The following DRGX variants were observed in gnomAD, a reference collection of about 807,000 sequenced individuals.
The protein encoded by DRGX is dorsal root ganglia homeobox protein.
A neutral mutation model predicts 28.6 loss-of-function variants in DRGX; 21 were observed. That is an observed-to-expected ratio of 0.73 (90% CI 0.52 to 1.06). The LOEUF (loss-of-function observed/expected upper bound fraction) is 1.06, where lower values mean the gene tolerates loss of function less well. Among genes scored for constraint, DRGX ranks in the 50% least tolerant of loss-of-function variants. The pLI is 0.00. For missense variants in DRGX, 354 were observed against 343.9 expected (o/e 1.03, Z -0.23); for synonymous variants, 136 against 139.1 (o/e 0.98, Z 0.16).
intron 1 of DRGX, 57 bp from the exon 2 acceptor site, chr10:49,395,578 G>C (rs948721384): frequency 1.9e-6 from 2 of 1,025,764 alleles, no homozygotes; most frequent in Admixed American, 2.1e-5. Context: ...CTCCCGCCCA[G>C]CCCTAGGGCG....
In DRGX at chr10:49,366,299, C is replaced by G. The variant is rs748609775; in HGVS notation, c.609G>C (p.Thr203=). ...TCATGCGCAGGGTGGCCACGCTGGC[C>G]GTGCGGTTACTCTGGCAGCCATAGG... is the stretch of plus-strand genomic sequence containing the variant. ...LPTYGCQSNR[T]ASVATLRMKA... The change falls in exon 7 of 7, where the codon ACG becomes ACC. Residue 203 remains threonine (T), a synonymous_variant. Transcript: ENST00000374139. 2 of 1,613,860 alleles carry G rather than the reference C, an allele frequency of 1.2e-6. No individual in the cohort carries two copies. Among genetic ancestry groups the G allele is most frequent in the Admixed American group, 1.7e-5 (1 of 60,020 alleles).
intron 2 of DRGX, among the ~76,000 whole-genome samples, chr10:49,395,089 TG>T (rs1409448262): frequency 6.6e-6 from 1 of 152,214 alleles, no homozygotes; most frequent in African/African-American, 2.4e-5. Context: ...TGCGGCCCCC[TG>T]GGTTGCGGAG....
intron 6 of DRGX, among the ~76,000 whole-genome samples, chr10:49,369,035 G>C (rs1849627835): frequency 6.6e-6 from 1 of 152,162 alleles, no homozygotes; most frequent in Admixed American, 6.5e-5. Flanking sequence ...TCAAGAGCTT[G>C]CTCCAATGTA....
In DRGX at chr10:49,386,713, C is replaced by G; in HGVS notation, c.380G>C (p.Arg127Pro). 1 of 1,592,434 alleles carries G rather than the reference C, an allele frequency of 6.3e-7. No homozygotes were observed. Among genetic ancestry groups the G allele is most frequent in the Non-Finnish European group, 8.5e-7 (1 of 1,170,456 alleles). The change falls in exon 5 of 7, where the codon CGG becomes CCG. Residue 127 changes from arginine to proline, a missense_variant. By Grantham distance (103) the Arg-to-Pro change is moderately radical. Coordinates refer to ENST00000374139, the MANE Select transcript of DRGX (RefSeq NM_001276451.2). ...GGCCTCCAGCGCCTCCTTCTTACTCCGGGCTTGGTCCCCAGGGGGCGGGGA... is the reference window on the plus strand; with the variant it reads ...GGCCTCCAGCGCCTCCTTCTTACTCGGGGCTTGGTCCCCAGGGGGCGGGGA... ...INSPPPGDQA[R>P]SKKEALEAQQ... is the part of the protein sequence containing the mutation.
At chr10:49,387,346 C>T (rs1030888424) in intron 4 of DRGX, among the ~76,000 whole-genome samples, 1 of 152,096 alleles carries the variant, frequency 6.6e-6, no homozygotes, top group African/African-American at 2.4e-5. Context: ...TGATCAGCAG[C>T]CCAGTGCACC....
At chr10:49,372,421 C>A (rs761818599) in intron 6 of DRGX, among the ~76,000 whole-genome samples, 3 of 152,176 alleles carry the variant, frequency 2.0e-5, no homozygotes, top group Non-Finnish European at 4.4e-5. Flanking sequence ...TGGCCCCTGA[C>A]CCCACTGTTA....
intron 6 of DRGX, among the ~76,000 whole-genome samples, chr10:49,379,748 C>T (rs1051868044): frequency 2.6e-5 from 4 of 152,236 alleles, no homozygotes; most frequent in Non-Finnish European, 4.4e-5. Flanking sequence ...ACACTCGGTG[C>T]AGGACCAGGA....
chr10:49,395,401 A>T lies in DRGX; in HGVS notation c.34+6T>A, dbSNP rs906671690. The stretch of plus-strand genomic sequence containing the variant: ...ATGGAGACCCTGGGGCGCAGCGCTT[A>T]CTTACCCTCTAGCTGTGGCGGGCAG... On this transcript the variant is annotated splice_donor_region_variant and intron_variant, in intron 2 of 6. Transcript: ENST00000374139. 7.1e-6 allele frequency: 11 copies of T among 1,550,066 alleles called. No individual in the cohort carries two copies. The highest frequency in any genetic ancestry group is 9.6e-6 in the Non-Finnish European group (11 of 1,146,860).
intron 6 of DRGX, among the ~76,000 whole-genome samples, chr10:49,383,595 G>A (rs1412662585): frequency 3.3e-5 from 5 of 152,218 alleles, no homozygotes; most frequent in African/African-American, 1.2e-4. Flanking sequence ...CGGACAGAAT[G>A]CTTGTGTGTC....
chr10:49,376,787 C>T (rs902195929), intron 6 of DRGX, among the ~76,000 whole-genome samples: 8 of 152,170 alleles, frequency 5.3e-5, no homozygotes, highest in African/African-American at 1.9e-4. Flanking sequence ...GGGGGACCCT[C>T]ACTCACTGCA....
In DRGX at chr10:49,386,485, G is replaced by A. The variant is rs1238707727; in HGVS notation, c.519C>T (p.Ser173=). The A allele has an allele frequency of 2.5e-6, 4 of 1,569,130 alleles. No individual in the cohort carries two copies. The highest frequency in any genetic ancestry group is 1.9e-5 in the Admixed American group (1 of 52,758). Reference sequence around the variant, plus strand: ...AGCCGAACCCAAACTCACCTTTGAGGGAAGCCACATGGGACAAGGCCTGGG... The same window carrying A: ...AGCCGAACCCAAACTCACCTTTGAGAGAAGCCACATGGGACAAGGCCTGGG... The part of the protein sequence containing the change: ...TYAQALSHVA[S]LKGGPLCSCC... Residue 173 remains serine, a synonymous_variant, in exon 6 of 7, where the codon TCC becomes TCT. Transcript: ENST00000374139.
Position 49,391,217 on chromosome 10 carries a change from C to T in DRGX, c.79G>A (p.Gly27Arg), listed in dbSNP as rs778768462. Residue 27 changes from glycine to arginine, a missense_variant, in exon 3 of 7, where the codon GGG (glycine) becomes AGG (arginine). Physicochemically the swap from Gly to Arg is moderately radical, Grantham distance 125 (BLOSUM62 -2). Coordinates refer to ENST00000374139, the MANE Select transcript of DRGX (RefSeq NM_001276451.2). ...GNHSSGDFDDGFLRRKQRRNR... is the reference protein window; with the variant it reads ...GNHSSGDFDDRFLRRKQRRNR... ...CGGCGCTGTTTTCTACGCAGAAACCCGTCATCAAAATCCCCCGAAGAGTGA... is the reference window on the plus strand; with the variant it reads ...CGGCGCTGTTTTCTACGCAGAAACCTGTCATCAAAATCCCCCGAAGAGTGA... 1.2e-5 allele frequency: 19 copies of T among 1,612,442 alleles called. No homozygotes were observed. Among genetic ancestry groups the T allele is most frequent in the East Asian group, 2.2e-5 (1 of 44,876 alleles).
chr10:49,373,587 G>T (rs752631765), intron 6 of DRGX, among the ~76,000 whole-genome samples: 6 of 152,136 alleles, frequency 3.9e-5, no homozygotes, highest in Non-Finnish European at 8.8e-5. Context: ...CCAGAGGGTT[G>T]CCCTGTCTCT....
At chr10:49,380,227 G>T (rs1040438002) in intron 6 of DRGX, among the ~76,000 whole-genome samples, 2 of 152,200 alleles carry the variant, frequency 1.3e-5, no homozygotes, top group African/African-American at 4.8e-5. Context: ...CCTGGCAGCT[G>T]TAATTATGTC....
intron 6 of DRGX, among the ~76,000 whole-genome samples, chr10:49,370,410 A>C (rs1439719076): frequency 6.6e-6 from 1 of 152,126 alleles, no homozygotes; most frequent in East Asian, 1.9e-4. Context: ...TTCTCAAAAA[A>C]ATAAAAAGAG....
At chr10:49,378,593 A>G (rs1461627751) in intron 6 of DRGX, among the ~76,000 whole-genome samples, 1 of 152,246 alleles carries the variant, frequency 6.6e-6, no homozygotes, top group Non-Finnish European at 1.5e-5. Flanking sequence ...CTTTAAAAAC[A>G]TTAGAATAAG....
chr10:49,372,139 A>G (rs913680120), intron 6 of DRGX, among the ~76,000 whole-genome samples: 1 of 152,216 alleles, frequency 6.6e-6, no homozygotes, highest in Non-Finnish European at 1.5e-5. Context: ...GGTGTTTGAC[A>G]GGGCTTTGAA....
chr10:49,380,027 C>T (rs1052323229), intron 6 of DRGX, among the ~76,000 whole-genome samples: 1 of 152,196 alleles, frequency 6.6e-6, no homozygotes, highest in Admixed American at 6.5e-5. Context: ...TCTCTGGCCT[C>T]GGGCTCTGAC....
intron 4 of DRGX, among the ~76,000 whole-genome samples, chr10:49,387,368 T>C (rs911232475): frequency 2.0e-5 from 3 of 152,090 alleles, no homozygotes; most frequent in Admixed American, 1.3e-4. Context: ...ATTAGAAACA[T>C]TGACTCTGGG....
Sources: allele counts gnomAD v4.1 joint callset (sites outside exome capture counted in the v4.1 genomes callset), GRCh38; gene constraint gnomAD v4.1.1; transcripts MANE v1.5; gene names NCBI Gene and HGNC (gene_info 2026-07-23, HGNC 2026-07-21).